MRTFB: variants seen among roughly 807,000 people sequenced by gnomAD.
The protein encoded by MRTFB is myocardin related transcription factor B, also known as myocardin-related transcription factor B.
A neutral mutation model predicts 104.2 loss-of-function variants in MRTFB; 29 were observed. That is an observed-to-expected ratio of 0.28 (90% confidence interval 0.21 to 0.38). The LOEUF is 0.38. MRTFB is among the 10% of genes least tolerant of loss of function. The probability of loss-of-function intolerance (pLI) is 1.00; values close to 1 mark genes in which losing one functional copy is unlikely to be tolerated. For missense variants in MRTFB, 1,270 were observed against 1,341.6 expected, an observed-to-expected ratio of 0.95 and a Z score of 0.83; for synonymous variants, 535 against 519.5, an observed-to-expected ratio of 1.03 and a Z score of -0.41.
chr16:14,204,347 A>G (rs1362180359), intron 3 of MRTFB, among the ~76,000 whole-genome samples: 16 of 152,162 alleles, frequency 1.1e-4, no homozygotes, highest in Admixed American at 1.0e-3. Flanking sequence ...TTTAAGAAGC[A>G]GGGGAAAGGA....
chr16:14,000,405 C>A, the MRTFB span, among the ~76,000 whole-genome samples: 2 of 152,192 alleles, frequency 1.3e-5, no homozygotes, highest in Non-Finnish European at 2.9e-5. Flanking sequence ...TTTTATCCTG[C>A]AAATCACCTT....
rs928731688 is a variant in MRTFB at position 14,245,410 on chromosome 16, C to T, written c.1080-118C>T. 6 of 814,126 alleles carry T rather than the reference C, an allele frequency of 7.4e-6. No homozygotes were observed. The African/African-American group carries it at 1.0e-4, about 14-fold the overall frequency. 50.4% of individuals were successfully genotyped at this position (814,126 alleles called of 1,614,324 possible). ...AATTGGCATCTTTACAATATTCAGC[C>T]TTCCAATCCATAACCATGGTATTTT... On this transcript the variant is annotated intron_variant, in intron 10 of 16. Transcript: ENST00000571589.
chr16:14,225,891 C>T (rs2041982568), intron 8 of MRTFB, among the ~76,000 whole-genome samples: 1 of 152,180 alleles, frequency 6.6e-6, no homozygotes, highest in African/African-American at 2.4e-5. Context: ...AGTTTGATAG[C>T]ATCTTTATGA....
At chr16:14,045,015 G>A in the MRTFB span, among the ~76,000 whole-genome samples, 1 of 152,020 alleles carries the variant, frequency 6.6e-6, no homozygotes, top group Non-Finnish European at 1.5e-5. Flanking sequence ...ATTTCATCTG[G>A]GGTCTGGTTG....
intron 3 of MRTFB, among the ~76,000 whole-genome samples, chr16:14,206,311 G>C (rs77972904): frequency 3.9e-5 from 6 of 152,136 alleles, no homozygotes; most frequent in Non-Finnish European, 5.9e-5. Context: ...CAATTAAGCT[G>C]TCTATCATTC....
chr16:14,172,170 C>T (rs925677316), intron 3 of MRTFB, among the ~76,000 whole-genome samples: 48 of 152,218 alleles, frequency 3.2e-4, no homozygotes, highest in African/African-American at 1.1e-3. Context: ...CCCTGTGTCC[C>T]CACCCAATGA....
In MRTFB at chr16:14,246,676, C is replaced by A; in HGVS notation, c.1416C>A (p.Asn472Lys). The A allele has an allele frequency of 1.2e-6, 2 of 1,614,232 alleles. No homozygotes were observed. The highest frequency in any genetic ancestry group is 1.7e-6 in the Non-Finnish European group (2 of 1,180,050). ...CCTTGCCGGTTACAACACTACACAA[C>A]ACTGTGACTAGCTCAGTCTCTACTC... Reference protein sequence around the residue: ...TVALPVTTLHNTVTSSVSTLK... With the variant: ...TVALPVTTLHKTVTSSVSTLK... Residue 472 changes from asparagine to lysine, a missense_variant, in exon 12 of 17, where the codon AAC becomes AAA. Around this residue, in one of 3 missense-constraint regions of MRTFB, gnomAD observed 1,144 missense variants for 1,131.5 expected, o/e 1.01. Coordinates refer to ENST00000571589, the MANE Select transcript of MRTFB (RefSeq NM_001308142.2).
the MRTFB span, among the ~76,000 whole-genome samples, chr16:14,056,043 A>G: frequency 6.6e-6 from 1 of 152,276 alleles, no homozygotes; most frequent in East Asian, 1.9e-4. Flanking sequence ...CAGTGGCACA[A>G]TCTCGGCTCA....
intron 2 of MRTFB, among the ~76,000 whole-genome samples, chr16:14,090,400 A>G (rs1010793336): frequency 2.6e-4 from 39 of 152,202 alleles, no homozygotes; most frequent in African/African-American, 8.7e-4. Context: ...GATGTCTTTC[A>G]TTGTTCTGCG....
At chr16:14,021,514 T>C in the MRTFB span, among the ~76,000 whole-genome samples, 696 of 152,308 alleles carry the variant, frequency 4.6e-3, 4 homozygotes, top group African/African-American at 0.016. Flanking sequence ...GATTTTGGTG[T>C]GCCCATCAAC....
chr16:14,238,132 G>A (rs2042603002), intron 9 of MRTFB, among the ~76,000 whole-genome samples: 1 of 152,192 alleles, frequency 6.6e-6, no homozygotes, highest in Non-Finnish European at 1.5e-5. Flanking sequence ...TTGTCACAAT[G>A]CGGGGGACGA....
intron 2 of MRTFB, among the ~76,000 whole-genome samples, chr16:14,104,306 A>G (rs1209395236): frequency 1.3e-5 from 2 of 152,132 alleles, no homozygotes; most frequent in African/African-American, 2.4e-5. Context: ...CCTTTTCACC[A>G]TTTCTAAGGG....
chr16:14,111,925 C>G (rs2036288540), intron 2 of MRTFB, among the ~76,000 whole-genome samples: 1 of 152,208 alleles, frequency 6.6e-6, no homozygotes, highest in African/African-American at 2.4e-5. Context: ...AGCTGTCCCT[C>G]CATACGGTGG....
At chr16:13,995,998 A>G in the MRTFB span, among the ~76,000 whole-genome samples, 59,892 of 151,930 alleles carry the variant, frequency 0.39, 12,052 homozygotes, top group Middle Eastern at 0.44. Flanking sequence ...GCAGCCGGGC[A>G]CGGTGGCTCA....
chr16:14,228,039 C>G (rs2042089637), intron 8 of MRTFB, among the ~76,000 whole-genome samples: 1 of 151,536 alleles, frequency 6.6e-6, no homozygotes, highest in African/African-American at 2.4e-5. Flanking sequence ...TAACAAGATA[C>G]TGGATATCAC....
intron 8 of MRTFB, among the ~76,000 whole-genome samples, chr16:14,226,270 T>C (rs1269980709): frequency 1.3e-5 from 2 of 152,152 alleles, no homozygotes; most frequent in Admixed American, 1.3e-4. Context: ...TTTAAAAAAG[T>C]TAGAGGTCTC....
chr16:14,242,341 C>T (rs4781588), intron 10 of MRTFB, among the ~76,000 whole-genome samples: 21,478 of 152,050 alleles, frequency 0.14, 3,621 homozygotes, highest in African/African-American at 0.41. Context: ...TCTACAATAA[C>T]CAAGCTCACC....
At chr16:14,076,699 A>G (rs937015339) in intron 1 of MRTFB, among the ~76,000 whole-genome samples, 1 of 152,186 alleles carries the variant, frequency 6.6e-6, no homozygotes, top group African/African-American at 2.4e-5. Context: ...TGGGCAATGC[A>G]TTTATAATTG....
At chr16:14,232,213 A>G (rs1009924526) in intron 8 of MRTFB, among the ~76,000 whole-genome samples, 1 of 152,252 alleles carries the variant, frequency 6.6e-6, no homozygotes, top group Non-Finnish European at 1.5e-5. Flanking sequence ...TATAGAGATC[A>G]GAATTCAAAC....
Sources: gnomAD v4.1 joint callset for allele counts (sites outside exome capture counted in the v4.1 genomes callset) on GRCh38, gnomAD v4.1.1 for gene constraint, gnomAD v4.1.1 regional missense constraint, MANE v1.5 for transcripts, NCBI Gene and HGNC (gene_info 2026-07-23, HGNC 2026-07-21) for gene names.